Variants in NWD1 observed in about 807,000 individuals in gnomAD.
NWD1 encodes NACHT and WD repeat domain containing 1.
In NWD1, 129 loss-of-function variants were observed where a neutral mutation model predicts 135.1. The observed-to-expected ratio is 0.96, with a 90% CI of 0.83 to 1.11. The LOEUF is 1.11. NWD1 is among the 50% of genes least tolerant of loss of function. The pLI is 0.00. For synonymous variants in NWD1, 773 were observed against 786.0 expected (o/e 0.98, Z 0.28); for missense variants, 1,740 against 1,851.3 (o/e 0.94, Z 1.10).
chr19:16,780,823 G>T (rs1599520896), intron 12 of NWD1, among the ~76,000 whole-genome samples: 2 of 151,856 alleles, frequency 1.3e-5, no homozygotes, highest in Non-Finnish European at 2.9e-5. Context: ...ACACCTGGCT[G>T]ATTTTTGTAT....
At chr19:16,774,390 T>A (rs1969527160) in intron 11 of NWD1, among the ~76,000 whole-genome samples, 1 of 148,432 alleles carries the variant, frequency 6.7e-6, no homozygotes, top group Non-Finnish European at 1.5e-5. Flanking sequence ...CCTGCTACCT[T>A]TCCATCCATC....
intron 18 of NWD1, 84 bp downstream of exon 18, chr19:16,808,220 A>C: frequency 3.9e-6 from 5 of 1,280,226 alleles, no homozygotes; most frequent in Non-Finnish European, 5.6e-6. Context: ...AGCACACACC[A>C]TGGGCCATCG....
chr19:16,727,260 G>C (rs990964130), intron 2 of NWD1: 1 of 152,358 alleles, frequency 6.6e-6, no homozygotes, highest in Non-Finnish European at 1.5e-5. Context: ...GAGGACTCCC[G>C]TGCCTAGAGG....
In NWD1 at chr19:16,791,447, C is replaced by A. The variant is rs367939338; in HGVS notation, c.3038C>A (p.Ala1013Asp). ...TGCATGGCCGTGCTGGCCTCCCAGG[C>A]CACACTGCTGACAGTGTCCAGGGAT... ...WMCMAVLASQATLLTVSRDGV... is the reference protein window; with the variant it reads ...WMCMAVLASQDTLLTVSRDGV... The change falls in exon 14 of 19, where the codon GCC becomes GAC. Residue 1013 changes from alanine to aspartate, a missense_variant. Ala to Asp is a moderately radical substitution (Grantham distance 126, BLOSUM62 -2). Coordinates refer to ENST00000524140, the MANE Select transcript of NWD1 (RefSeq NM_001007525.5). The A allele has an allele frequency of 3.1e-6, 5 of 1,613,950 alleles. No homozygotes were observed. In the African/African-American group the frequency reaches 6.7e-5, roughly 22 times the overall value.
chr19:16,807,797 C>T lies in NWD1; in HGVS notation c.3948C>T (p.Ile1316=), dbSNP rs749249652. 3.8e-5 allele frequency: 62 copies of T among 1,613,866 alleles called. No homozygotes were observed. The South Asian group carries it at 4.6e-4, about 12-fold the overall frequency. The change falls in exon 18 of 19, where the codon ATC becomes ATT. Residue 1316 remains isoleucine, a synonymous_variant. Coordinates refer to ENST00000524140, the MANE Select transcript of NWD1 (RefSeq NM_001007525.5). ...SLSKCEDRLA[I]AYDNIVLVLD... ...GCAAGTGCGAGGACCGCCTGGCCAT[C>T]GCCTATGACAACATCGTCCTGGTGC...
chr19:16,756,295 C>T (rs1157618268), intron 6 of NWD1, among the ~76,000 whole-genome samples: 1 of 152,038 alleles, frequency 6.6e-6, no homozygotes, highest in African/African-American at 2.4e-5. Flanking sequence ...ATGTACTATT[C>T]ATGAAGTGGA....
rs547313811 is a variant in NWD1, at chr19:16,815,028, G to T, written c.4288G>T (p.Ala1430Ser). ...RKWKFEMSYT[A>S]PC Reference sequence around the variant, plus strand: ...TGTGTCCTTCTCTTCACCCTTACAGGCACCCTGCTGACAGTCCAGTTTGTC... The same window carrying T: ...TGTGTCCTTCTCTTCACCCTTACAGTCACCCTGCTGACAGTCCAGTTTGTC... Residue 1430 changes from alanine to serine, a missense_variant and splice_region_variant, in exon 19 of 19, where the codon GCA becomes TCA. Physicochemically the swap from Ala to Ser is moderately conservative, Grantham distance 99 (BLOSUM62 1). Coordinates refer to ENST00000524140, the MANE Select transcript of NWD1 (RefSeq NM_001007525.5). The T allele has an allele frequency of 1.7e-5, 27 of 1,613,572 alleles. 2 individuals are homozygous for T. In the Middle Eastern group the frequency reaches 1.3e-3, roughly 79 times the overall value.
At chr19:16,754,790 T>TCATCCGTC (rs1555722214) in intron 6 of NWD1, among the ~76,000 whole-genome samples, 3 of 145,372 alleles carry the variant, frequency 2.1e-5, no homozygotes, top group African/African-American at 2.6e-5. Context: ...ATCATCTCTA[T>TCATCCGTC]CATCCATCCA....
Position 16,742,452 on chromosome 19 carries a change from C to T in NWD1, c.199-1969C>T, listed in dbSNP as rs371883014. 1.0e-3 allele frequency among the ~76,000 whole-genome samples: 152 copies of T among 152,092 alleles called. 2 individuals are homozygous for T. The highest frequency in any genetic ancestry group is 3.2e-3 in the African/African-American group (134 of 41,490). On this transcript the variant is annotated intron_variant, in intron 4 of 18. Transcript: ENST00000524140. ...CAGAATGTGGCGCTTTCATACTGAGCTCTGATCTCTCCCTTTCTCCGTGGT... is the reference window on the plus strand; with the variant it reads ...CAGAATGTGGCGCTTTCATACTGAGTTCTGATCTCTCCCTTTCTCCGTGGT...
intron 7 of NWD1, among the ~76,000 whole-genome samples, chr19:16,759,923 G>A (rs1053194333): frequency 2.0e-5 from 3 of 152,122 alleles, no homozygotes; most frequent in African/African-American, 7.2e-5. Context: ...GAACCTGGGA[G>A]GCAGAGGTGG....
chr19:16,798,879 GC>G (rs1247036964), intron 16 of NWD1, among the ~76,000 whole-genome samples: 1 of 151,776 alleles, frequency 6.6e-6, no homozygotes, highest in Non-Finnish European at 1.5e-5. Flanking sequence ...AGCTGCCTTG[GC>G]CTCCCAAAGT....
rs537329853 is a variant in NWD1 at position 16,729,577 on chromosome 19, T to TAAAAAAAAAAAAA, written c.-6-1611_-6-1599dup. On this transcript the variant is annotated intron_variant, in intron 2 of 18. Coordinates refer to ENST00000524140, the MANE Select transcript of NWD1 (RefSeq NM_001007525.5). Reference sequence around the variant, plus strand: ...GGCGAGGCCCCATCTTTACAAAAAGTAAAAAAAAAAAAAAAATAGGCTGGG... The same window carrying TAAAAAAAAAAAAA: ...GGCGAGGCCCCATCTTTACAAAAAGTAAAAAAAAAAAAAAAAAAAAAAAAAAAAATAGGCTGGG... 7.1e-4 allele frequency among the ~76,000 whole-genome samples: 89 copies of TAAAAAAAAAAAAA among 125,044 alleles called. 3 individuals carry two copies. Among genetic ancestry groups the TAAAAAAAAAAAAA allele is most frequent in the African/African-American group, 2.6e-3 (88 of 33,820 alleles). 82.0% of individuals were successfully genotyped at this position (125,044 alleles called of 152,430 possible). A position where few individuals can be genotyped will look rare whatever the true frequency, so the allele number is the denominator to read the frequency against.
intron 5 of NWD1, 59 bp from the exon 6 acceptor site, chr19:16,749,080 A>G: frequency 7.4e-7 from 1 of 1,343,572 alleles, no homozygotes; most frequent in East Asian, 2.3e-5. Flanking sequence ...AACCCCATTT[A>G]GGTCAGCTGC....
intron 2 of NWD1, among the ~76,000 whole-genome samples, chr19:16,725,776 C>G (rs1374499746): frequency 6.6e-6 from 1 of 151,688 alleles, no homozygotes; most frequent in African/African-American, 2.4e-5. Flanking sequence ...TGGTCTTGAA[C>G]TCATGACCTC....
At chr19:16,770,073 G>A (rs909744657) in intron 10 of NWD1, among the ~76,000 whole-genome samples, 4 of 152,126 alleles carry the variant, frequency 2.6e-5, no homozygotes, top group African/African-American at 7.2e-5. Context: ...CAGACTCTGA[G>A]CTCCATAAGG....
Position 16,799,959 on chromosome 19 carries a change from C to T in NWD1, c.3533C>T (p.Ala1178Val), listed in dbSNP as rs768876499. 4 of 1,614,106 alleles carry T rather than the reference C, an allele frequency of 2.5e-6. No individual in the cohort carries two copies. The highest frequency in any genetic ancestry group is 2.7e-5 in the African/African-American group (2 of 75,064). ...GTCGGGGCCCCCGTGAGCCTGCTGG[C>T]CCGCGGCGGGGCTTTGGTGGCATCT... is the stretch of plus-strand genomic sequence containing the variant. Reference protein sequence around the residue: ...EGVGAPVSLLARGGALVASAS... With the variant: ...EGVGAPVSLLVRGGALVASAS... Residue 1178 changes from alanine to valine, a missense_variant, in exon 17 of 19, where the codon GCC becomes GTC. Coordinates refer to ENST00000524140, the MANE Select transcript of NWD1 (RefSeq NM_001007525.5).
chr19:16,744,779 TC>T, intron 5 of NWD1, 61 bp downstream of exon 5: 1 of 1,401,256 alleles, frequency 7.1e-7, no homozygotes, highest in African/African-American at 1.4e-5. Flanking sequence ...GTTCAGAATA[TC>T]CATCCCCTGT....
Position 16,735,509 on chromosome 19 carries a change from G to C in NWD1, c.82-1125G>C, listed in dbSNP as rs1373621222. On this transcript the variant is annotated intron_variant, in intron 3 of 18. Transcript: ENST00000524140. ...TGACAGAGCAAGACTCTGTCCCCCT[G>C]ACCAAAAAAAAAAAGAAAGAAAGAA... Among the ~76,000 whole-genome samples the C allele has an allele frequency of 2.1e-5, 3 of 145,416 alleles. No homozygotes were observed. In the South Asian group the frequency reaches 6.5e-4, roughly 32 times the overall value.
Position 16,762,121 on chromosome 19 carries a change from C to G in NWD1, c.2116C>G (p.Leu706Val). The change falls in exon 8 of 19, where the codon CTG (leucine) becomes GTG (valine). Residue 706 changes from leucine (L) to valine (V), a missense_variant. Coordinates refer to ENST00000524140, the MANE Select transcript of NWD1 (RefSeq NM_001007525.5). ...LITLPLVGKP[L>V]NLDRKVAPQP... ...CACTCTGCCACTTGTGGGGAAACCA[C>G]TGAACTTGGACCGAAAGGTGAGGTA... The G allele has an allele frequency of 1.2e-6, 2 of 1,613,890 alleles. No homozygotes were observed. The highest frequency in any genetic ancestry group is 1.7e-6 in the Non-Finnish European group (2 of 1,179,874).
Sources: allele counts gnomAD v4.1 joint callset (sites outside exome capture counted in the v4.1 genomes callset), GRCh38; gene constraint gnomAD v4.1.1; transcripts MANE v1.5; gene names NCBI Gene and HGNC (gene_info 2026-07-23, HGNC 2026-07-21).